The following FAM13A variants were observed in gnomAD, a reference collection of about 807,000 sequenced individuals.
FAM13A encodes protein FAM13A.
In FAM13A, 76 loss-of-function variants were observed where a neutral mutation model predicts 129.6. That is an observed-to-expected ratio of 0.59 (90% CI 0.49 to 0.71). The LOEUF (loss-of-function observed/expected upper bound fraction) is 0.71, where lower values mean the gene tolerates loss of function less well. Ranked by LOEUF, FAM13A falls within the 30% of genes least tolerant of loss-of-function variation. The probability of loss-of-function intolerance (pLI) is 0.00; values close to 1 mark genes in which losing one functional copy is unlikely to be tolerated. For missense variants in FAM13A, 1,108 were observed against 1,249.3 expected (o/e 0.89, Z 1.70); for synonymous variants, 443 against 449.9 (o/e 0.98, Z 0.20).
chr4:88,972,264 T>A (rs1463390179), intron 4 of FAM13A, among the ~76,000 whole-genome samples: 1 of 151,634 alleles, frequency 6.6e-6, no homozygotes, highest in Non-Finnish European at 1.5e-5. Flanking sequence ...TCCCTCAATT[T>A]TTGTTTGTCT....
chr4:88,971,859 T>C (rs560294064), intron 4 of FAM13A, among the ~76,000 whole-genome samples: 2 of 152,304 alleles, frequency 1.3e-5, no homozygotes, highest in African/African-American at 2.4e-5. Flanking sequence ...AGGAAACTAG[T>C]TGAAACCCTA....
chr4:88,994,731 T>C (rs1763319163), intron 3 of FAM13A, among the ~76,000 whole-genome samples: 1 of 152,000 alleles, frequency 6.6e-6, no homozygotes, highest in South Asian at 2.1e-4. Context: ...TCCCAGCTAC[T>C]TGGGAGGCTG....
intron 5 of FAM13A, among the ~76,000 whole-genome samples, chr4:88,909,254 C>A (rs574166051): frequency 6.6e-6 from 1 of 152,176 alleles, no homozygotes; most frequent in African/African-American, 2.4e-5. Context: ...ATAGAATATT[C>A]TTCGGCTATA....
intron 3 of FAM13A, among the ~76,000 whole-genome samples, chr4:88,992,722 T>C (rs758908429): frequency 6.6e-6 from 1 of 152,204 alleles, no homozygotes; most frequent in African/African-American, 2.4e-5. Flanking sequence ...TACTTAAATA[T>C]AGTAAAATTG....
chr4:88,871,949 G>A (rs947662605), intron 6 of FAM13A, among the ~76,000 whole-genome samples: 14 of 152,160 alleles, frequency 9.2e-5, no homozygotes, highest in African/African-American at 3.4e-4. Flanking sequence ...CGGATCTCTC[G>A]GCAGAAACTC....
chr4:88,788,011 TG>T, intron 9 of FAM13A, 79 bp from the exon 10 acceptor site: 1 of 1,108,532 alleles, frequency 9.0e-7, no homozygotes. Context: ...CCTACAGTTT[TG>T]GGAACATCTG....
At chr4:88,942,474 C>T (rs996376679) in intron 4 of FAM13A, among the ~76,000 whole-genome samples, 4 of 151,402 alleles carry the variant, frequency 2.6e-5, no homozygotes, top group Non-Finnish European at 5.9e-5. Context: ...GGCTGAGGGA[C>T]GAGGATCACT....
At chr4:88,854,302 A>G (rs1578969472) in intron 6 of FAM13A, among the ~76,000 whole-genome samples, 1 of 152,216 alleles carries the variant, frequency 6.6e-6, no homozygotes, top group African/African-American at 2.4e-5. Flanking sequence ...TAGTGGCTCC[A>G]TGAGGCTCAG....
intron 5 of FAM13A, among the ~76,000 whole-genome samples, chr4:88,923,618 A>T (rs1386519360): frequency 6.6e-6 from 1 of 152,170 alleles, no homozygotes; most frequent in Non-Finnish European, 1.5e-5. Context: ...CAAAAACTGG[A>T]AGCATTCCCT....
intron 10 of FAM13A, among the ~76,000 whole-genome samples, chr4:88,783,725 A>C (rs1213619928): frequency 1.3e-5 from 2 of 152,158 alleles, no homozygotes; most frequent in African/African-American, 4.8e-5. Context: ...GAGGTAAATA[A>C]GGTTAAAAGA....
At chr4:88,823,224 T>A in intron 7 of FAM13A, 1 of 1,396,346 alleles carries the variant, frequency 7.2e-7, no homozygotes, top group South Asian at 1.6e-5. Flanking sequence ...GCTGCTTCTC[T>A]ACATTTACAC....
intron 15 of FAM13A, 55 bp downstream of exon 15, chr4:88,750,369 T>A: frequency 7.1e-7 from 1 of 1,414,140 alleles, no homozygotes; most frequent in East Asian, 2.3e-5. Flanking sequence ...CCATTCCTCT[T>A]TTCTGATGTT....
chr4:88,773,461 A>C (rs1404813138), intron 11 of FAM13A, among the ~76,000 whole-genome samples: 2 of 151,836 alleles, frequency 1.3e-5, no homozygotes, highest in Non-Finnish European at 2.9e-5. Flanking sequence ...GTTATCACTC[A>C]CTCCCTATTG....
intron 4 of FAM13A, among the ~76,000 whole-genome samples, chr4:88,957,923 A>T (rs1046032741): frequency 6.6e-6 from 1 of 152,234 alleles, no homozygotes; most frequent in Non-Finnish European, 1.5e-5. Context: ...GAAATTTCTA[A>T]GCAGCAAAGT....
At chr4:88,871,497 A>G (rs975270051) in intron 6 of FAM13A, among the ~76,000 whole-genome samples, 1 of 152,250 alleles carries the variant, frequency 6.6e-6, no homozygotes, top group Non-Finnish European at 1.5e-5. Flanking sequence ...TATGTGATGC[A>G]TGCACAAGCT....
intron 1 of FAM13A, among the ~76,000 whole-genome samples, chr4:89,037,418 A>G (rs7666393): frequency 0.056 from 8,485 of 152,192 alleles, 773 homozygotes; most frequent in African/African-American, 0.19. Context: ...AAATGGATGT[A>G]TTTACCTAAC....
At chr4:88,880,386 C>A (rs1743316205) in intron 6 of FAM13A, among the ~76,000 whole-genome samples, 1 of 152,054 alleles carries the variant, frequency 6.6e-6, no homozygotes, top group African/African-American at 2.4e-5. Context: ...ATTTAGAGAG[C>A]CAAGCGAAAT....
intron 5 of FAM13A, among the ~76,000 whole-genome samples, chr4:88,915,955 C>T (rs1056473111): frequency 1.3e-5 from 2 of 152,064 alleles, no homozygotes; most frequent in Admixed American, 6.6e-5. Context: ...CAGCCTGACG[C>T]CCTTGCCAGA....
intron 7 of FAM13A, among the ~76,000 whole-genome samples, chr4:88,808,739 A>G (rs942727006): frequency 6.6e-6 from 1 of 152,136 alleles, no homozygotes; most frequent in East Asian, 1.9e-4. Flanking sequence ...CTGACTCTCA[A>G]TAATGACCAA....
Sources: gnomAD v4.1 joint callset for allele counts (sites outside exome capture counted in the v4.1 genomes callset) on GRCh38, gnomAD v4.1.1 for gene constraint, MANE v1.5 for transcripts, NCBI Gene and HGNC (gene_info 2026-07-23, HGNC 2026-07-21) for gene names.